Variants in TRAPPC3 observed in about 807,000 individuals in gnomAD.
TRAPPC3 encodes trafficking protein particle complex 3.
TRAPPC3 carries 5 observed loss-of-function variants against 18.2 expected under a neutral mutation model. The ratio of observed to expected loss-of-function variants is 0.28; its 90% CI spans 0.14 to 0.58. The LOEUF (loss-of-function observed/expected upper bound fraction) is 0.58. Ranked by LOEUF, TRAPPC3 falls within the 20% of genes least tolerant of loss-of-function variation. TRAPPC3 has a pLI of 0.91. For missense variants in TRAPPC3, 176 were observed against 225.9 expected (o/e 0.78, Z 1.41); for synonymous variants, 65 against 84.2 (o/e 0.77, Z 1.25).
chr1:36,147,182 C>T (rs867822480), intron 1 of TRAPPC3, among the ~76,000 whole-genome samples: 1 of 151,914 alleles, frequency 6.6e-6, no homozygotes, highest in Non-Finnish European at 1.5e-5. Flanking sequence ...ATTAGCCAGC[C>T]GTAGTGGTTG....
intron 1 of TRAPPC3, among the ~76,000 whole-genome samples, chr1:36,145,085 A>G (rs934111166): frequency 6.6e-6 from 1 of 151,702 alleles, no homozygotes; most frequent in Non-Finnish European, 1.5e-5. Flanking sequence ...GCAGTAGCGC[A>G]ATCTTGGCTC....
chr1:36,151,135 G>A (rs1371427188), upstream of TRAPPC3, among the ~76,000 whole-genome samples: 1 of 152,068 alleles, frequency 6.6e-6, no homozygotes, highest in Non-Finnish European at 1.5e-5. Context: ...TTTCTCTTTG[G>A]GACTTGCAGT....
upstream of TRAPPC3, chr1:36,149,560 C>G: frequency 1.4e-6 from 1 of 695,800 alleles, no homozygotes; most frequent in Non-Finnish European, 2.5e-6. Context: ...GCAACTCCCG[C>G]CCAACAAACG....
upstream of TRAPPC3, among the ~76,000 whole-genome samples, chr1:36,152,014 G>A (rs1250289200): frequency 1.3e-5 from 2 of 151,584 alleles, no homozygotes; most frequent in Non-Finnish European, 2.9e-5. Context: ...CTTGAGGCTG[G>A]GGCAGTGCCT....
At chr1:36,142,942 G>A (rs1644138792) in intron 1 of TRAPPC3, among the ~76,000 whole-genome samples, 1 of 152,184 alleles carries the variant, frequency 6.6e-6, no homozygotes, top group Non-Finnish European at 1.5e-5. Context: ...TGAGGCGGGA[G>A]GATGGCTTGA....
upstream of TRAPPC3, chr1:36,149,575 A>G: frequency 1.5e-6 from 1 of 648,558 alleles, no homozygotes; most frequent in Non-Finnish European, 2.7e-6. Context: ...CAAACGTCAG[A>G]CTACAACACC....
intron 4 of TRAPPC3, 70 bp downstream of exon 4, chr1:36,137,726 C>T (rs1465699575): frequency 6.7e-7 from 1 of 1,483,758 alleles, no homozygotes; most frequent in African/African-American, 1.4e-5. Flanking sequence ...TTCTCTCTTT[C>T]ATTCATTTAA....
Position 36,156,030 on chromosome 1 carries a change from G to GCGGCGCGAA in TRAPPC3, c.-253_-245dup, listed in dbSNP as rs1170256396. ...GCGGGCGCGGGGCTCCGGGGCGGGG[G>GCGGCGCGAA]CGGCGCGAACGGCGCGGACGGCGCG... On this transcript the variant is annotated 5_prime_UTR_variant, in exon 1 of 5. Coordinates refer to the TRAPPC3 transcript ENST00000617904. The GCGGCGCGAA allele has an allele frequency of 1.7e-4, 32 of 187,184 alleles. No homozygotes were observed. The East Asian group carries it at 4.1e-3, about 24-fold the overall frequency. The allele number at this position is 187,184 out of a possible 1,614,324, so 11.6% of individuals were successfully genotyped here.
At chr1:36,147,608 C>T (rs1474322050) in intron 1 of TRAPPC3, among the ~76,000 whole-genome samples, 1 of 152,162 alleles carries the variant, frequency 6.6e-6, no homozygotes, top group African/African-American at 2.4e-5. Flanking sequence ...TGCCACTACA[C>T]TCCAGCCTGG....
At chr1:36,144,824 T>C (rs1390349915) in intron 1 of TRAPPC3, among the ~76,000 whole-genome samples, 1 of 152,182 alleles carries the variant, frequency 6.6e-6, no homozygotes, top group East Asian at 1.9e-4. Context: ...TGGACTTGAA[T>C]GTGCTTTGCA....
In TRAPPC3 at chr1:36,137,099, A is replaced by T. The variant is rs946448497; in HGVS notation, c.*104T>A. On this transcript the variant is annotated 3_prime_UTR_variant, in exon 5 of 5. Transcript: ENST00000373166. ...TGGAAACAGGTTATAAGAATATATA[A>T]CATCCATGTTCAAGAGTCACTGAGT... The T allele has an allele frequency of 7.5e-7, 1 of 1,328,194 alleles. No individual in the cohort carries two copies. The highest frequency in any genetic ancestry group is 1.0e-6 in the Non-Finnish European group (1 of 954,516). 82.3% of individuals were successfully genotyped at this position (1,328,194 alleles called of 1,614,324 possible).
At position 36,136,646 on chromosome 1, in the gene TRAPPC3, G is replaced by A. The variant is rs1041079840; in HGVS notation, c.*557C>T. The A allele has an allele frequency of 6.5e-6, 1 of 152,674 alleles. No homozygotes were observed. The highest frequency in any genetic ancestry group is 1.5e-5 in the Non-Finnish European group (1 of 68,076). 9.5% of individuals were successfully genotyped at this position (152,674 alleles called of 1,614,324 possible). A position where few individuals can be genotyped will look rare whatever the true frequency, so the allele number is the denominator to read the frequency against. ...AAGGATGTACCCTCTGTAAAAAGAGGAGATGTTGCCTCCAACAGCAGGGAG... is the reference window on the plus strand; with the variant it reads ...AAGGATGTACCCTCTGTAAAAAGAGAAGATGTTGCCTCCAACAGCAGGGAG... On this transcript the variant is annotated 3_prime_UTR_variant, in exon 5 of 5. Coordinates refer to ENST00000373166, the MANE Select transcript of TRAPPC3 (RefSeq NM_014408.5).
chr1:36,149,525 G>C, upstream of TRAPPC3: 1 of 1,023,896 alleles, frequency 9.8e-7, no homozygotes, highest in Non-Finnish European at 1.4e-6. Flanking sequence ...GGGGCACCAC[G>C]GGACTAGTGG....
chr1:36,149,509 T>G (rs940432233), upstream of TRAPPC3: 7 of 1,230,306 alleles, frequency 5.7e-6, no homozygotes, highest in African/African-American at 1.1e-4. Context: ...CTGCGCGGCC[T>G]CCCGCGGGGC....
chr1:36,144,518 G>A (rs573632584), intron 1 of TRAPPC3, among the ~76,000 whole-genome samples: 2 of 152,208 alleles, frequency 1.3e-5, no homozygotes, highest in East Asian at 3.9e-4. Context: ...GCTGGGCATG[G>A]TGGTACATGC....
intron 1 of TRAPPC3, among the ~76,000 whole-genome samples, chr1:36,145,843 G>A (rs1023983945): frequency 6.6e-5 from 10 of 151,652 alleles, no homozygotes; most frequent in Admixed American, 2.6e-4. Flanking sequence ...GCGCGATCTC[G>A]GCTCACTGCA....
intron 1 of TRAPPC3, among the ~76,000 whole-genome samples, chr1:36,146,879 T>C (rs1186926137): frequency 1.3e-5 from 2 of 152,178 alleles, no homozygotes; most frequent in Non-Finnish European, 1.5e-5. Flanking sequence ...CTGCATATAG[T>C]TGGGGCTAAA....
At chr1:36,149,270 G>T in intron 1 of TRAPPC3, 67 bp downstream of exon 1, 2 of 1,607,448 alleles carry the variant, frequency 1.2e-6, no homozygotes, top group Non-Finnish European at 1.7e-6. Flanking sequence ...CTCGCGCTCG[G>T]CGCCGGGCCC....
rs1303291727 is a variant in TRAPPC3 at position 36,140,082 on chromosome 1, G to A, written c.127C>T (p.Gln43Ter). ...DYENDEDVNK[Q>*]LDKMGFNIGV... ...GAGCTCACTCACATTTTGTCCAGCTGTTTATTCACATCTTCATCATTTTCA... is the reference window on the plus strand; with the variant it reads ...GAGCTCACTCACATTTTGTCCAGCTATTTATTCACATCTTCATCATTTTCA... Residue 43 changes from glutamine to a stop codon, truncating the protein, a stop_gained, in exon 2 of 5, where the codon CAG becomes TAG. Transcript: ENST00000373166. LOFTEE classifies it high-confidence loss of function. The A allele has an allele frequency of 6.2e-7, 1 of 1,601,158 alleles. No homozygotes were observed. The highest frequency in any genetic ancestry group is 1.3e-5 in the African/African-American group (1 of 74,160).
Sources: gnomAD v4.1 joint callset for allele counts (sites outside exome capture counted in the v4.1 genomes callset) on GRCh38, gnomAD v4.1.1 for gene constraint, MANE v1.5 for transcripts, NCBI Gene and HGNC (gene_info 2026-07-23, HGNC 2026-07-21) for gene names.